DNAH6: variants seen among roughly 807,000 people sequenced by gnomAD.
DNAH6 encodes dynein axonemal heavy chain 6.
DNAH6 carries 340 observed loss-of-function variants against 491.4 expected under a neutral mutation model. That is an observed-to-expected ratio of 0.69 (90% confidence interval 0.63 to 0.76). The LOEUF is 0.76. DNAH6 is among the 30% of genes least tolerant of loss of function. The pLI is 0.00. For missense variants in DNAH6, 4,443 were observed against 4,972.2 expected (o/e 0.89, Z 3.20); for synonymous variants, 1,603 against 1,686.1 (o/e 0.95, Z 1.21).
intron 35 of DNAH6, among the ~76,000 whole-genome samples, chr2:84,657,659 A>T (rs1691104789): frequency 6.6e-6 from 1 of 152,000 alleles, no homozygotes; most frequent in African/African-American, 2.4e-5. Context: ...TGTTAACCTC[A>T]TATCCTGCAA....
chr2:84,579,502 A>T, intron 13 of DNAH6, 25 bp from the exon 14 acceptor site: 1 of 1,610,690 alleles, frequency 6.2e-7, no homozygotes, highest in Non-Finnish European at 8.5e-7. Context: ...GACTATTTAC[A>T]ATTCACACGG....
Position 84,762,816 on chromosome 2 carries a change from C to T in DNAH6, c.10574C>T (p.Pro3525Leu). The T allele has an allele frequency of 6.4e-7, 1 of 1,551,110 alleles. No individual in the cohort carries two copies. Among genetic ancestry groups the T allele is most frequent in the Non-Finnish European group, 8.7e-7 (1 of 1,146,618 alleles). ...CTTGGAAAACAGTTTATAGAGACAC[C>T]ACCTGTGGACCTGCCTACCCTGTAT... ...ENLGKQFIET[P>L]PVDLPTLYQD... Residue 3525 changes from proline (P) to leucine (L), a missense_variant, in exon 64 of 77, where the codon CCA becomes CTA. Coordinates refer to ENST00000389394, the MANE Select transcript of DNAH6 (RefSeq NM_001370.2).
intron 26 of DNAH6, 38 bp from the exon 27 acceptor site, chr2:84,624,227 A>G (rs1687647809): frequency 1.3e-6 from 2 of 1,510,328 alleles, no homozygotes; most frequent in Non-Finnish European, 8.9e-7. Context: ...GTAAGCTGAT[A>G]TTGGAAAATT....
chr2:84,803,519 CT>C, intron 70 of DNAH6, among the ~76,000 whole-genome samples: 1 of 151,382 alleles, frequency 6.6e-6, no homozygotes, highest in South Asian at 2.1e-4. Flanking sequence ...GAAAATTTAG[CT>C]TTCTATATTA....
intron 11 of DNAH6, among the ~76,000 whole-genome samples, chr2:84,567,245 C>T (rs1020474957): frequency 2.0e-5 from 3 of 151,606 alleles, no homozygotes; most frequent in Non-Finnish European, 4.4e-5. Context: ...AGAGGGGAAA[C>T]CAAAACTAGG....
chr2:84,682,337 A>G (rs1693863835), intron 42 of DNAH6, among the ~76,000 whole-genome samples: 1 of 152,196 alleles, frequency 6.6e-6, no homozygotes, highest in South Asian at 2.1e-4. Context: ...GCTGTCACTC[A>G]GTCTGTTTTG....
rs747118976 is a variant in DNAH6, at chr2:84,642,053, A to C, written c.5077A>C (p.Ser1693Arg). 74 of 1,546,960 alleles carry C rather than the reference A, an allele frequency of 4.8e-5. No homozygotes were observed. The highest frequency in any genetic ancestry group is 6.5e-5 in the Non-Finnish European group (74 of 1,143,410). ...KFLTDDALLF[S>R]GIISDLFPGV... ...TCTAACAGATGATGCTCTTCTGTTC[A>C]GGTAAGTTTGTAGACATTACCAAGT... The change falls in exon 33 of 77, where the codon AGT becomes CGT. Residue 1693 changes from serine to arginine, a missense_variant and splice_region_variant. Ser to Arg is a moderately radical substitution (Grantham distance 110). This residue lies in a region of DNAH6 where 2,977 missense variants were observed against 3,296.6 expected (regional missense o/e 0.90). Transcript: ENST00000389394.
At chr2:84,599,768 T>C (rs750677041) in intron 18 of DNAH6, among the ~76,000 whole-genome samples, 3 of 152,184 alleles carry the variant, frequency 2.0e-5, no homozygotes, top group Non-Finnish European at 4.4e-5. Flanking sequence ...TTACGATAGC[T>C]AGTAAGTGTT....
At chr2:84,692,422 TA>T (rs1694949546) in intron 45 of DNAH6, among the ~76,000 whole-genome samples, 1 of 766 alleles carries the variant, frequency 1.3e-3, no homozygotes, top group Non-Finnish European at 3.2e-3. Context: ...ATAAGGTAGA[TA>T]GATAGATAGA....
At chr2:84,533,992 G>A (rs1372946821) in intron 4 of DNAH6, among the ~76,000 whole-genome samples, 2 of 152,010 alleles carry the variant, frequency 1.3e-5, no homozygotes, top group Non-Finnish European at 2.9e-5. Flanking sequence ...ACCCTCATCT[G>A]TGGCTCACAC....
At position 84,544,336 on chromosome 2, in the gene DNAH6, C is replaced by G; in HGVS notation, c.766C>G (p.Arg256Gly). ...AGACATTGAATTTATCGAAATTGAT[C>G]GATGGGAACAGGAATATCTGTATCA... ...NEDIEFIEIDRWEQEYLYHRE... is the reference protein window; with the variant it reads ...NEDIEFIEIDGWEQEYLYHRE... Residue 256 changes from arginine to glycine, a missense_variant, in exon 5 of 77, where the codon CGA (arginine) becomes GGA (glycine). By Grantham distance (125) the Arg-to-Gly change is moderately radical (BLOSUM62 -2). Coordinates refer to ENST00000389394, the MANE Select transcript of DNAH6 (RefSeq NM_001370.2). 1 of 1,543,638 alleles carries G rather than the reference C, an allele frequency of 6.5e-7. No individual in the cohort carries two copies. Among genetic ancestry groups the G allele is most frequent in the Non-Finnish European group, 8.8e-7 (1 of 1,140,062 alleles).
intron 11 of DNAH6, among the ~76,000 whole-genome samples, chr2:84,560,563 C>T (rs1680553429): frequency 6.6e-6 from 1 of 151,268 alleles, no homozygotes; most frequent in Admixed American, 6.6e-5. Context: ...CACCCATTAA[C>T]TCGTCATTTA....
intron 63 of DNAH6, among the ~76,000 whole-genome samples, chr2:84,755,398 T>C (rs1290170107): frequency 2.6e-5 from 4 of 152,206 alleles, no homozygotes; most frequent in Non-Finnish European, 5.9e-5. Context: ...ATTTTCTTTA[T>C]AAATTACCCA....
chr2:84,670,969 CTA>C (rs1692687853), intron 39 of DNAH6, among the ~76,000 whole-genome samples: 1 of 152,158 alleles, frequency 6.6e-6, no homozygotes, highest in African/African-American at 2.4e-5. Flanking sequence ...CTGGGCCAGT[CTA>C]AGCCTCAATC....
At chr2:84,685,731 C>T (rs1286688650) in intron 43 of DNAH6, among the ~76,000 whole-genome samples, 1 of 151,968 alleles carries the variant, frequency 6.6e-6, no homozygotes, top group African/African-American at 2.4e-5. Flanking sequence ...ACTTGGATCC[C>T]TTGGGCTCAG....
At chr2:84,481,308 C>G in the DNAH6 span, among the ~76,000 whole-genome samples, 2 of 152,172 alleles carry the variant, frequency 1.3e-5, no homozygotes, top group East Asian at 3.9e-4. Context: ...CATGCTAACA[C>G]TGAGATGATA....
chr2:84,646,500 C>T (rs1173456368), intron 33 of DNAH6, among the ~76,000 whole-genome samples: 1 of 152,108 alleles, frequency 6.6e-6, no homozygotes. Context: ...GCCTCTTGTG[C>T]CAAATAGCCT....
At chr2:84,476,688 C>T in the DNAH6 span, among the ~76,000 whole-genome samples, 10 of 152,250 alleles carry the variant, frequency 6.6e-5, no homozygotes, top group East Asian at 1.4e-3. Context: ...CATCCTTATA[C>T]GCGTTTTTAA....
At chr2:84,466,524 C>T in the DNAH6 span, among the ~76,000 whole-genome samples, 3,555 of 152,222 alleles carry the variant, frequency 0.023, 142 homozygotes, top group African/African-American at 0.081. Context: ...AAAAAGTTTC[C>T]TCGATTCTGA....
Sources: gnomAD v4.1 joint callset for allele counts (sites outside exome capture counted in the v4.1 genomes callset) on GRCh38, gnomAD v4.1.1 for gene constraint, gnomAD v4.1.1 regional missense constraint, MANE v1.5 for transcripts, NCBI Gene and HGNC (gene_info 2026-07-23, HGNC 2026-07-21) for gene names.